The following ARHGEF3 variants were observed in gnomAD, a reference collection of about 807,000 sequenced individuals.
ARHGEF3 encodes the protein Rho guanine nucleotide exchange factor 3, also known as 59.8 kDA protein.
ARHGEF3 carries 28 observed loss-of-function variants against 63.2 expected under a neutral mutation model. The observed-to-expected ratio is 0.44, with a 90% CI of 0.33 to 0.61. The LOEUF (loss-of-function observed/expected upper bound fraction) is 0.61. Among genes scored for constraint, ARHGEF3 ranks in the 20% least tolerant of loss-of-function variants. The probability of loss-of-function intolerance (pLI) is 0.03; values close to 1 mark genes in which losing one functional copy is unlikely to be tolerated. For synonymous variants in ARHGEF3, 266 were observed against 254.2 expected, an observed-to-expected ratio of 1.05 and a Z score of -0.44; for missense variants, 533 against 659.3, an observed-to-expected ratio of 0.81 and a Z score of 2.10.
At chr3:56,783,853 T>A (rs1051766018) in intron 1 of ARHGEF3, among the ~76,000 whole-genome samples, 2 of 152,208 alleles carry the variant, frequency 1.3e-5, no homozygotes, top group African/African-American at 4.8e-5. Flanking sequence ...ATTAGTCTGC[T>A]ACTGGTTAAA....
rs775474479 is a variant in ARHGEF3, at chr3:57,007,225, G to T, written c.62+27863C>A. On this transcript the variant is annotated intron_variant, in intron 2 of 12. Transcript: ENST00000338458. ...CTGGAATCTTAGGAGTCGAAGGTGG[G>T]GGGGTCAATAACACCATACTTCAGC... 5.4e-6 allele frequency: 7 copies of T among 1,289,358 alleles called. No individual in the cohort carries two copies. In the East Asian group the frequency reaches 2.8e-4, roughly 51 times the overall value. The allele number at this position is 1,289,358 out of a possible 1,614,324, so 79.9% of individuals were successfully genotyped here.
At chr3:57,041,823 A>G (rs1044091616) in intron 1 of ARHGEF3, among the ~76,000 whole-genome samples, 1 of 152,158 alleles carries the variant, frequency 6.6e-6, no homozygotes, top group African/African-American at 2.4e-5. Flanking sequence ...CAGAGCCAAC[A>G]TCAGAACTAA....
At chr3:56,772,168 C>T (rs565529123) in intron 2 of ARHGEF3, among the ~76,000 whole-genome samples, 52 of 152,234 alleles carry the variant, frequency 3.4e-4, no homozygotes, top group Non-Finnish European at 6.6e-4. Flanking sequence ...AGAAACAGAC[C>T]CAAACCTATA....
intron 2 of ARHGEF3, among the ~76,000 whole-genome samples, chr3:56,999,995 G>A (rs894502016): frequency 6.6e-6 from 1 of 152,074 alleles, no homozygotes; most frequent in African/African-American, 2.4e-5. Flanking sequence ...CTAGCTGTGT[G>A]GCCTTGGGCA....
chr3:56,917,600 G>C (rs918757141), intron 3 of ARHGEF3, among the ~76,000 whole-genome samples: 12 of 152,142 alleles, frequency 7.9e-5, no homozygotes, highest in African/African-American at 2.9e-4. Context: ...AAGTGCTGAG[G>C]GGTCCAGGAA....
At chr3:56,831,398 A>G (rs2038926502) in intron 4 of ARHGEF3, among the ~76,000 whole-genome samples, 2 of 152,218 alleles carry the variant, frequency 1.3e-5, no homozygotes, top group Admixed American at 6.5e-5. Flanking sequence ...TGGAGTTAAG[A>G]GCCCTTGTTC....
chr3:57,022,023 C>T (rs534765272), intron 2 of ARHGEF3, among the ~76,000 whole-genome samples: 33 of 152,280 alleles, frequency 2.2e-4, no homozygotes, highest in African/African-American at 6.7e-4. Context: ...GCAATCCCAG[C>T]GCTTTGAGAG....
At chr3:56,968,155 A>AT (rs1560093803) in intron 2 of ARHGEF3, among the ~76,000 whole-genome samples, 1 of 39,818 alleles carries the variant, frequency 2.5e-5, no homozygotes, top group African/African-American at 8.8e-5. Flanking sequence ...TATATATAAA[A>AT]ATATATATTA....
chr3:56,801,636 T>C (rs1226523229), intron 1 of ARHGEF3, 67 bp downstream of exon 1: 1 of 1,515,350 alleles, frequency 6.6e-7, no homozygotes, highest in African/African-American at 1.4e-5. Context: ...GCGCCGAGAA[T>C]GGGAGATGGA....
intron 2 of ARHGEF3, among the ~76,000 whole-genome samples, chr3:56,967,959 A>T (rs376344135): frequency 0.39 from 26,165 of 66,640 alleles, 5,522 homozygotes; most frequent in Non-Finnish European, 0.47. Flanking sequence ...TTATATATAT[A>T]AAATATATTT....
At chr3:57,047,225 G>A (rs1000120321) in intron 1 of ARHGEF3, among the ~76,000 whole-genome samples, 4 of 152,204 alleles carry the variant, frequency 2.6e-5, no homozygotes, top group African/African-American at 9.6e-5. Flanking sequence ...GCATGAGCCT[G>A]GAATCCCAGC....
intron 3 of ARHGEF3, among the ~76,000 whole-genome samples, chr3:56,956,629 T>A (rs1700055127): frequency 6.6e-6 from 1 of 152,178 alleles, no homozygotes; most frequent in Admixed American, 6.5e-5. Context: ...CCAGGGAATT[T>A]CATGATGTGC....
At chr3:56,995,233 C>T (rs1164113613) in intron 2 of ARHGEF3, among the ~76,000 whole-genome samples, 1 of 152,064 alleles carries the variant, frequency 6.6e-6, no homozygotes, top group Non-Finnish European at 1.5e-5. Context: ...TAATTTTCCT[C>T]TGTGCTATGA....
chr3:57,006,641 A>T (rs6803310), intron 2 of ARHGEF3, among the ~76,000 whole-genome samples: 50,977 of 152,018 alleles, frequency 0.34, 9,098 homozygotes, highest in Middle Eastern at 0.4. Context: ...AGCTTTTCAT[A>T]GGTCCTAAAT....
chr3:56,997,561 C>T (rs1388579645), intron 2 of ARHGEF3, among the ~76,000 whole-genome samples: 1 of 151,858 alleles, frequency 6.6e-6, no homozygotes, highest in Non-Finnish European at 1.5e-5. Flanking sequence ...GGCAGCCTCT[C>T]CATAAACAGG....
intron 7 of ARHGEF3, among the ~76,000 whole-genome samples, chr3:56,738,209 T>G (rs1408734787): frequency 1.3e-5 from 2 of 152,034 alleles, no homozygotes; most frequent in African/African-American, 4.8e-5. Context: ...CCAGCTAATT[T>G]TTTGTATTTT....
intron 2 of ARHGEF3, among the ~76,000 whole-genome samples, chr3:56,976,231 C>T (rs1213674465): frequency 1.3e-5 from 2 of 152,038 alleles, no homozygotes; most frequent in African/African-American, 4.8e-5. Flanking sequence ...TTAGTAGAGA[C>T]GGGGTTTCGT....
At chr3:56,960,902 C>T (rs1560086163) in intron 2 of ARHGEF3, 1 of 152,222 alleles carries the variant, frequency 6.6e-6, no homozygotes, top group Non-Finnish European at 1.5e-5. Context: ...TCCCTTCCCT[C>T]TCAGTCATAA....
intron 4 of ARHGEF3, among the ~76,000 whole-genome samples, chr3:56,870,623 G>A (rs1173517124): frequency 6.6e-6 from 1 of 152,102 alleles, no homozygotes; most frequent in Non-Finnish European, 1.5e-5. Flanking sequence ...ATAAACTTTG[G>A]TTGAAAGATG....
Sources: gnomAD v4.1 joint callset for allele counts (sites outside exome capture counted in the v4.1 genomes callset) on GRCh38, gnomAD v4.1.1 for gene constraint, MANE v1.5 for transcripts, NCBI Gene and HGNC (gene_info 2026-07-23, HGNC 2026-07-21) for gene names.